UMAD1: variants seen among roughly 807,000 people sequenced by gnomAD.
UMAD1 encodes the protein UBAP1-MVB12-associated (UMA)-domain containing protein 1.
UMAD1 carries 8 observed loss-of-function variants against 6.1 expected under a neutral mutation model. The observed-to-expected ratio is 1.30, with a 90% confidence interval of 0.76 to 2.35. The LOEUF is 2.35. UMAD1 is among the 30% of genes most tolerant of loss of function. The pLI is 0.00. For missense variants in UMAD1, 130 were observed against 78.4 expected (o/e 1.66, Z -2.49); for synonymous variants, 56 against 31.4 (o/e 1.78, Z -2.61).
chr7:7,823,026 T>C lies in UMAD1; in HGVS notation c.156+21283T>C, dbSNP rs537211801. Among the ~76,000 whole-genome samples the C allele has an allele frequency of 3.3e-5, 5 of 152,274 alleles. 1 individual carries two copies. The South Asian group carries it at 1.0e-3, about 32-fold the overall frequency. On this transcript the variant is annotated intron_variant, in intron 3 of 3. Transcript: ENST00000682710. ...ATTATTTATTCTTTCTTTAAGGTTT[T>C]AATATTCTGTTTTATTGATTAGGAG...
chr7:7,745,148 A>G (rs576397395), intron 2 of UMAD1, among the ~76,000 whole-genome samples: 1 of 152,336 alleles, frequency 6.6e-6, no homozygotes, highest in Admixed American at 6.5e-5. Flanking sequence ...CTATTCATTA[A>G]GTGGAAGTGG....
At chr7:7,683,406 A>C (rs916452008) in intron 2 of UMAD1, among the ~76,000 whole-genome samples, 3 of 152,174 alleles carry the variant, frequency 2.0e-5, no homozygotes, top group African/African-American at 7.2e-5. Context: ...TTCACTCTCT[A>C]ATAATTGTAT....
Position 7,878,844 on chromosome 7 carries a change from C to CA in UMAD1, c.*1311dup. 6.6e-6 allele frequency: 1 copy of CA among 152,204 alleles called. No homozygotes were observed. The allele number at this position is 152,204 out of a possible 1,614,324, so 9.4% of individuals were successfully genotyped here. On this transcript the variant is annotated 3_prime_UTR_variant, in exon 4 of 4. Transcript: ENST00000682710. Reference sequence around the variant, plus strand: ...AAAGTTAGAGGAACATTTCTATTGACAAAAATATGCTTCATTTACATATAA... The same window carrying CA: ...AAAGTTAGAGGAACATTTCTATTGACAAAAAATATGCTTCATTTACATATAA...
chr7:7,792,132 T>A (rs1289367627), intron 2 of UMAD1, among the ~76,000 whole-genome samples: 1 of 152,226 alleles, frequency 6.6e-6, no homozygotes, highest in Non-Finnish European at 1.5e-5. Flanking sequence ...CAATTTCGGG[T>A]GTTAATAATT....
chr7:7,704,098 G>T (rs1780534140), intron 2 of UMAD1, among the ~76,000 whole-genome samples: 1 of 152,152 alleles, frequency 6.6e-6, no homozygotes, highest in Admixed American at 6.5e-5. Context: ...TGTGTGTGAG[G>T]CTGTGTTTTC....
In UMAD1 at chr7:7,664,748, G is replaced by A. The variant is rs554036543; in HGVS notation, c.-63-8561G>A. On this transcript the variant is annotated intron_variant, in intron 1 of 3. Coordinates refer to ENST00000682710, the MANE Select transcript of UMAD1 (RefSeq NM_001302348.2). The stretch of plus-strand genomic sequence containing the variant: ...TCTGGAATGTTTTATGCTTTCTAGC[G>A]TTGTTTTAGGTTGTGTATTCTTATC... Among the ~76,000 whole-genome samples the A allele has an allele frequency of 1.1e-4, 16 of 152,230 alleles. No homozygotes were observed. The South Asian group carries it at 2.3e-3, about 22-fold the overall frequency.
chr7:7,663,150 C>T (rs1187469623), intron 1 of UMAD1, among the ~76,000 whole-genome samples: 1 of 149,412 alleles, frequency 6.7e-6, no homozygotes, highest in African/African-American at 2.5e-5. Flanking sequence ...TCCCTCTTCC[C>T]CTACTTTTTT....
At chr7:7,660,993 T>G (rs1563094832) in intron 1 of UMAD1, among the ~76,000 whole-genome samples, 1 of 112,386 alleles carries the variant, frequency 8.9e-6, no homozygotes, top group Non-Finnish European at 1.7e-5. Context: ...GGAGGCTTTG[T>G]TCATTCCTTT....
At chr7:7,705,257 G>T (rs1780569462) in intron 2 of UMAD1, among the ~76,000 whole-genome samples, 1 of 152,162 alleles carries the variant, frequency 6.6e-6, no homozygotes, top group Non-Finnish European at 1.5e-5. Context: ...GATGCACTGT[G>T]ATTTAGTTTT....
intron 3 of UMAD1, among the ~76,000 whole-genome samples, chr7:7,848,014 T>C (rs1020233193): frequency 1.3e-5 from 2 of 152,186 alleles, no homozygotes; most frequent in Non-Finnish European, 2.9e-5. Context: ...CAATGAGGAA[T>C]TTTTAAACTT....
intron 1 of UMAD1, among the ~76,000 whole-genome samples, chr7:7,671,358 C>T (rs1730474614): frequency 6.6e-6 from 1 of 152,170 alleles, no homozygotes; most frequent in African/African-American, 2.4e-5. Flanking sequence ...GAGACCCACA[C>T]CCTTAGTCTC....
intron 2 of UMAD1, among the ~76,000 whole-genome samples, chr7:7,731,331 T>C (rs1781247347): frequency 1.3e-5 from 2 of 151,988 alleles, no homozygotes; most frequent in Non-Finnish European, 2.9e-5. Context: ...GGAACTATTG[T>C]AGTAGTGCAG....
At chr7:7,827,802 A>G (rs751368390) in intron 3 of UMAD1, among the ~76,000 whole-genome samples, 4 of 152,212 alleles carry the variant, frequency 2.6e-5, no homozygotes, top group Admixed American at 2.0e-4. Flanking sequence ...TCTACCTCCA[A>G]TAAGACAATT....
chr7:7,877,804 T>C lies in UMAD1; in HGVS notation c.*266T>C. 1 of 402,668 alleles carries C rather than the reference T, an allele frequency of 2.5e-6. No individual in the cohort carries two copies. Among genetic ancestry groups the C allele is most frequent in the South Asian group, 3.6e-5 (1 of 27,606 alleles). 24.9% of individuals were successfully genotyped at this position (402,668 alleles called of 1,614,324 possible). A position where few individuals can be genotyped will look rare whatever the true frequency, so the allele number is the denominator to read the frequency against. ...TAGGAAAGGACTCGATTCCTTCAGA[T>C]GGTCTCTCAAAATATAACACCTCAA... is the stretch of plus-strand genomic sequence containing the variant. On this transcript the variant is annotated 3_prime_UTR_variant, in exon 4 of 4. Transcript: ENST00000682710.
At chr7:7,666,646 G>A (rs1033551631) in intron 1 of UMAD1, among the ~76,000 whole-genome samples, 2 of 151,948 alleles carry the variant, frequency 1.3e-5, no homozygotes, top group African/African-American at 4.8e-5. Context: ...ATCTTGCTAG[G>A]TGAAGTGGCT....
rs185573088 is a variant in UMAD1 at position 7,782,647 on chromosome 7, A to G, written c.83-19023A>G. On this transcript the variant is annotated intron_variant, in intron 2 of 3. Transcript: ENST00000682710. ...GAACCACAAATGTAATCAGAAAATA[A>G]TACTTTAATCCTAGTTAATCCACGT... 1.6e-3 allele frequency among the ~76,000 whole-genome samples: 249 copies of G among 152,212 alleles called. 3 individuals are homozygous for G. Among genetic ancestry groups the G allele is most frequent in the African/African-American group, 5.8e-3 (241 of 41,540 alleles).
intron 2 of UMAD1, among the ~76,000 whole-genome samples, chr7:7,766,226 T>G (rs1012210405): frequency 1.3e-5 from 2 of 152,238 alleles, no homozygotes; most frequent in African/African-American, 4.8e-5. Context: ...GTTAATCAAT[T>G]TTTAAAAATA....
chr7:7,875,132 C>G (rs528678578), intron 3 of UMAD1, among the ~76,000 whole-genome samples: 1 of 152,206 alleles, frequency 6.6e-6, no homozygotes, highest in Non-Finnish European at 1.5e-5. Flanking sequence ...CATTTATAAC[C>G]ATTAGCATTT....
chr7:7,817,084 T>G (rs1783144695), intron 3 of UMAD1, among the ~76,000 whole-genome samples: 1 of 152,244 alleles, frequency 6.6e-6, no homozygotes, highest in Admixed American at 6.5e-5. Context: ...TACCATTTCT[T>G]GAGTATATTC....
Sources: allele counts gnomAD v4.1 joint callset (sites outside exome capture counted in the v4.1 genomes callset), GRCh38; gene constraint gnomAD v4.1.1; transcripts MANE v1.5; gene names NCBI Gene and HGNC (gene_info 2026-07-23, HGNC 2026-07-21).